SMAD6: variants seen among roughly 807,000 people sequenced by gnomAD.
SMAD6 encodes MAD homolog 6.
In SMAD6, 103 loss-of-function variants were observed where a neutral mutation model predicts 39.4. The ratio of observed to expected loss-of-function variants is 2.62; its 90% CI spans 2.23 to 3.08. The LOEUF (loss-of-function observed/expected upper bound fraction) is 3.08. SMAD6 is among the 30% of genes most tolerant of loss of function. The pLI, the probability that SMAD6 is intolerant of heterozygous loss-of-function variation, is 0.00. For synonymous variants in SMAD6, 445 were observed against 353.3 expected (o/e 1.26, Z -2.91); for missense variants, 1,104 against 742.9 (o/e 1.49, Z -5.65).
At chr15:66,753,263 G>A (rs1441697235) in intron 3 of SMAD6, among the ~76,000 whole-genome samples, 3 of 152,200 alleles carry the variant, frequency 2.0e-5, no homozygotes, top group Non-Finnish European at 2.9e-5. Context: ...GATGGGTCCT[G>A]TAAGAGGGTG....
intron 2 of SMAD6, among the ~76,000 whole-genome samples, chr15:66,713,631 C>T (rs1355772489): frequency 6.6e-6 from 1 of 152,194 alleles, no homozygotes; most frequent in African/African-American, 2.4e-5. Context: ...CAAGTCACTT[C>T]TTAGTGTCGT....
intron 2 of SMAD6, among the ~76,000 whole-genome samples, chr15:66,712,025 T>A (rs1219677884): frequency 6.6e-6 from 1 of 152,218 alleles, no homozygotes; most frequent in Admixed American, 6.5e-5. Context: ...CTTATGCATC[T>A]CACCGGAGGT....
chr15:66,703,674 G>A lies in SMAD6; in HGVS notation c.416G>A (p.Arg139Gln). ...FSERDAAGAP[R>Q]DASDPLAGAA... ...GAGCGGGACGCCGCCGGCGCGCCCC[G>A]GGACGCCAGCGACCCCCTGGCCGGG... The change falls in exon 1 of 4, where the codon CGG becomes CAG. Residue 139 changes from arginine (R) to glutamine (Q), a missense_variant. Transcript: ENST00000288840. The A allele has an allele frequency of 8.1e-7, 1 of 1,232,412 alleles. No individual in the cohort carries two copies. The highest frequency in any genetic ancestry group is 1.0e-6 in the Non-Finnish European group (1 of 986,970). 76.3% of individuals were successfully genotyped at this position (1,232,412 alleles called of 1,614,324 possible).
chr15:66,718,037 T>C (rs1052398564), intron 3 of SMAD6, among the ~76,000 whole-genome samples: 3 of 152,060 alleles, frequency 2.0e-5, no homozygotes, highest in East Asian at 1.9e-4. Flanking sequence ...ATGGATTCCA[T>C]TGGCGTTGGT....
intron 3 of SMAD6, among the ~76,000 whole-genome samples, chr15:66,727,360 C>T (rs142331405): frequency 1.3e-5 from 2 of 152,308 alleles, no homozygotes; most frequent in African/African-American, 2.4e-5. Flanking sequence ...GGCTTGGCCT[C>T]CCAAAATGCT....
intron 3 of SMAD6, among the ~76,000 whole-genome samples, chr15:66,773,836 T>G (rs1207235692): frequency 1.3e-5 from 2 of 152,202 alleles, no homozygotes; most frequent in African/African-American, 4.8e-5. Context: ...CTTCTGAGAC[T>G]TTGAATATCT....
chr15:66,729,928 G>C (rs958861028), intron 3 of SMAD6, among the ~76,000 whole-genome samples: 12 of 152,168 alleles, frequency 7.9e-5, no homozygotes, highest in Non-Finnish European at 1.2e-4. Flanking sequence ...CGGGGAGGGG[G>C]TGGGCCTGGG....
At position 66,704,064 on chromosome 15, in the gene SMAD6, T is replaced by C. The variant is rs1012969627; in HGVS notation, c.806T>C (p.Leu269Pro). ...VCCNPYHFSR[L>P]CGPESPPPPY... is the part of the protein sequence containing the mutation. ...TGCAACCCCTACCACTTCAGCCGGC[T>C]CTGCGGGCCCGGTGAGCGCGCTGCG... The change falls in exon 1 of 4, where the codon CTC (leucine) becomes CCC (proline). Residue 269 changes from leucine to proline, a missense_variant. By Grantham distance (98) the Leu-to-Pro change is moderately conservative (BLOSUM62 -3). Coordinates refer to ENST00000288840, the MANE Select transcript of SMAD6 (RefSeq NM_005585.5). 11 of 1,494,842 alleles carry C rather than the reference T, an allele frequency of 7.4e-6. No homozygotes were observed. Among genetic ancestry groups the C allele is most frequent in the Non-Finnish European group, 9.7e-6 (11 of 1,130,418 alleles). 92.6% of individuals were successfully genotyped at this position (1,494,842 alleles called of 1,614,324 possible). A position where few individuals can be genotyped will look rare whatever the true frequency, so the allele number is the denominator to read the frequency against.
At chr15:66,772,134 T>C (rs1894389219) in intron 3 of SMAD6, among the ~76,000 whole-genome samples, 1 of 152,188 alleles carries the variant, frequency 6.6e-6, no homozygotes, top group African/African-American at 2.4e-5. Context: ...CTCTGTGCCA[T>C]TGCCCTGAAG....
intron 3 of SMAD6, among the ~76,000 whole-genome samples, chr15:66,753,040 CT>C (rs1040189675): frequency 2.6e-5 from 4 of 152,172 alleles, no homozygotes; most frequent in Non-Finnish European, 5.9e-5. Flanking sequence ...TGACATACAG[CT>C]CTTGGAAGGT....
chr15:66,703,744 C>T lies in SMAD6; in HGVS notation c.486C>T (p.Arg162=). The change falls in exon 1 of 4, where the codon CGC becomes CGT. Residue 162 remains arginine, a synonymous_variant. Transcript: ENST00000288840. ...PAGGGRSREA[R]SRLLLLEQEL... ...GCGGCGGGCGGAGTCGCGAAGCGCG[C>T]TCGCGGCTGCTGCTGCTGGAGCAGG... is the stretch of plus-strand genomic sequence containing the variant. The T allele has an allele frequency of 2.2e-6, 3 of 1,383,176 alleles. No homozygotes were observed. The highest frequency in any genetic ancestry group is 3.1e-5 in the South Asian group (2 of 64,108). The allele number at this position is 1,383,176 out of a possible 1,614,324, so 85.7% of individuals were successfully genotyped here. A position where few individuals can be genotyped will look rare whatever the true frequency, so the allele number is the denominator to read the frequency against.
Position 66,781,438 on chromosome 15 carries a change from G to T in SMAD6, c.1394G>T (p.Arg465Leu). The change falls in exon 4 of 4, where the codon CGC becomes CTC. Residue 465 changes from arginine (R) to leucine (L), a missense_variant. By Grantham distance (102) the Arg-to-Leu change is moderately radical. Transcript: ENST00000288840. The stretch of plus-strand genomic sequence containing the variant: ...GGCCCCTACGACCCCAACAGCGTCC[G>T]CATCAGCTTCGCCAAGGGCTGGGGG... ...ADGPYDPNSV[R>L]ISFAKGWGPC... The T allele has an allele frequency of 6.2e-7, 1 of 1,605,160 alleles. No homozygotes were observed.
chr15:66,744,186 AAACCACG>A (rs1405470478), intron 3 of SMAD6, among the ~76,000 whole-genome samples: 1 of 152,150 alleles, frequency 6.6e-6, no homozygotes, highest in Non-Finnish European at 1.5e-5. Flanking sequence ...TGCTATTTCC[AAACCACG>A]AGCCCAGAAA....
chr15:66,704,048 T>G lies in SMAD6; in HGVS notation c.790T>G (p.Tyr264Asp), dbSNP rs1340209925. 1 of 1,509,398 alleles carries G rather than the reference T, an allele frequency of 6.6e-7. No individual in the cohort carries two copies. The highest frequency in any genetic ancestry group is 8.8e-7 in the Non-Finnish European group (1 of 1,138,060). The allele number at this position is 1,509,398 out of a possible 1,614,324, so 93.5% of individuals were successfully genotyped here. The change falls in exon 1 of 4, where the codon TAC (tyrosine) becomes GAC (aspartate). Residue 264 changes from tyrosine (Y) to aspartate (D), a missense_variant. Transcript: ENST00000288840. ...ADGPTVCCNP[Y>D]HFSRLCGPES... The stretch of plus-strand genomic sequence containing the variant: ...CGGCCCTACCGTGTGCTGCAACCCC[T>G]ACCACTTCAGCCGGCTCTGCGGGCC...
intron 3 of SMAD6, among the ~76,000 whole-genome samples, chr15:66,771,492 G>A (rs4454916): frequency 2.0e-5 from 3 of 152,052 alleles, no homozygotes; most frequent in Admixed American, 6.5e-5. Flanking sequence ...GAGAAAAGCC[G>A]GCAGAAAACC....
chr15:66,742,737 T>C (rs2140638338), intron 3 of SMAD6, among the ~76,000 whole-genome samples: 1 of 152,246 alleles, frequency 6.6e-6, no homozygotes, highest in South Asian at 2.1e-4. Context: ...TCTGACCCTG[T>C]CCACAATCAG....
intron 3 of SMAD6, among the ~76,000 whole-genome samples, chr15:66,743,750 T>C (rs1297570759): frequency 6.6e-6 from 1 of 152,216 alleles, no homozygotes; most frequent in African/African-American, 2.4e-5. Flanking sequence ...CTTTGCAAAA[T>C]ATGGGAAGTA....
chr15:66,709,665 A>T (rs1286399155), intron 1 of SMAD6, among the ~76,000 whole-genome samples: 1 of 152,220 alleles, frequency 6.6e-6, no homozygotes, highest in African/African-American at 2.4e-5. Flanking sequence ...CTTTCTGATA[A>T]GTTCATGGGG....
chr15:66,761,550 G>A (rs753330028), intron 3 of SMAD6, among the ~76,000 whole-genome samples: 12 of 152,172 alleles, frequency 7.9e-5, no homozygotes, highest in Non-Finnish European at 1.3e-4. Context: ...ATTCATGTTG[G>A]CTGGACTCAC....
Sources: gnomAD v4.1 joint callset for allele counts (sites outside exome capture counted in the v4.1 genomes callset) on GRCh38, gnomAD v4.1.1 for gene constraint, MANE v1.5 for transcripts, NCBI Gene and HGNC (gene_info 2026-07-23, HGNC 2026-07-21) for gene names.